Variants in FUT8 observed in about 807,000 individuals in gnomAD.
The protein encoded by FUT8 is alpha-(1,6)-fucosyltransferase.
FUT8 carries 29 observed loss-of-function variants against 71.3 expected under a neutral mutation model. The observed-to-expected ratio is 0.41, with a 90% CI of 0.30 to 0.55. The LOEUF (loss-of-function observed/expected upper bound fraction) is 0.55, where lower values mean the gene tolerates loss of function less well. Among genes scored for constraint, FUT8 ranks in the 20% least tolerant of loss-of-function variants. The pLI, the probability that FUT8 is intolerant of heterozygous loss-of-function variation, is 0.34. For missense variants in FUT8, 544 were observed against 702.1 expected (o/e 0.77, Z 2.55); for synonymous variants, 254 against 239.3 (o/e 1.06, Z -0.57).
chr14:65,472,407 A>G lies in FUT8; in HGVS notation c.-228+16689A>G, dbSNP rs2066161654. Among the ~76,000 whole-genome samples the G allele has an allele frequency of 2.6e-5, 4 of 152,196 alleles. No individual in the cohort carries two copies. The South Asian group carries it at 8.3e-4, about 32-fold the overall frequency. ...CATCTCCCATTAGGCCCCACCCCCAACATTGAGATCAAATTTCAACAGGAG... is the reference window on the plus strand; with the variant it reads ...CATCTCCCATTAGGCCCCACCCCCAGCATTGAGATCAAATTTCAACAGGAG... On this transcript the variant is annotated intron_variant, in intron 2 of 10. Coordinates refer to ENST00000673929, the MANE Select transcript of FUT8 (RefSeq NM_001371533.1). The surrounding 1 kb of genome is among the most constrained non-coding windows in gnomAD (Gnocchi z 4.4).
intron 2 of FUT8, among the ~76,000 whole-genome samples, chr14:65,490,999 CT>C (rs2066474690): frequency 6.6e-6 from 1 of 152,120 alleles, no homozygotes; most frequent in Admixed American, 6.5e-5. Flanking sequence ...GAAGAGCCTT[CT>C]GCTAAAGCCA....
At chr14:65,443,129 G>T (rs1393296316) in intron 1 of FUT8, among the ~76,000 whole-genome samples, 3 of 152,100 alleles carry the variant, frequency 2.0e-5, no homozygotes, top group African/African-American at 7.2e-5. Context: ...AAGAGTTTTG[G>T]GGTGGGTGTG....
At chr14:65,691,648 G>A (rs1364036373) in intron 7 of FUT8, among the ~76,000 whole-genome samples, 1 of 151,974 alleles carries the variant, frequency 6.6e-6, no homozygotes, top group Non-Finnish European at 1.5e-5. Context: ...GTTTCTCGCA[G>A]AGGGGGATTT....
At chr14:65,722,218 C>A (rs1483134354) in intron 8 of FUT8, among the ~76,000 whole-genome samples, 197 bp downstream of exon 8, 1 of 152,094 alleles carries the variant, frequency 6.6e-6, no homozygotes, top group Non-Finnish European at 1.5e-5. Context: ...AAGAAAGTTG[C>A]TTAGTAGTGC....
intron 2 of FUT8, chr14:65,516,533 G>T (rs903622388): frequency 6.6e-6 from 1 of 151,928 alleles, no homozygotes; most frequent in Non-Finnish European, 1.5e-5. Context: ...TATTTTTCAA[G>T]TTTTTTTGGT....
chr14:65,555,617 C>G, intron 2 of FUT8, among the ~76,000 whole-genome samples: 1 of 152,114 alleles, frequency 6.6e-6, no homozygotes, highest in Non-Finnish European at 1.5e-5. Flanking sequence ...TGGGTTCTTC[C>G]TTTCTGTGCT....
chr14:65,461,258 G>A (rs553418354), intron 2 of FUT8, among the ~76,000 whole-genome samples: 140 of 152,260 alleles, frequency 9.2e-4, no homozygotes, highest in African/African-American at 3.0e-3. Context: ...GTATTCACAT[G>A]ACATCTTCCC....
intron 3 of FUT8, among the ~76,000 whole-genome samples, chr14:65,590,511 T>G (rs919697130): frequency 2.2e-4 from 34 of 152,076 alleles, no homozygotes; most frequent in African/African-American, 8.2e-4. Context: ...TTGACCAAAC[T>G]GGGGGGGAAT....
intron 2 of FUT8, among the ~76,000 whole-genome samples, chr14:65,552,000 T>C (rs968353615): frequency 6.6e-6 from 1 of 152,310 alleles, no homozygotes; most frequent in South Asian, 2.1e-4. Flanking sequence ...CATTGTGTAA[T>C]ACATAAGGAT....
intron 1 of FUT8, among the ~76,000 whole-genome samples, chr14:65,420,517 A>G (rs2065277277): frequency 6.6e-6 from 1 of 151,978 alleles, no homozygotes; most frequent in African/African-American, 2.4e-5. Context: ...AATAGGGATC[A>G]TGTGTTCATT....
intron 2 of FUT8, among the ~76,000 whole-genome samples, chr14:65,549,597 G>C (rs1885171689): frequency 6.6e-6 from 1 of 152,150 alleles, no homozygotes; most frequent in Non-Finnish European, 1.5e-5. Flanking sequence ...CAAAAATGGG[G>C]AAGTGCTTAC....
At chr14:65,596,613 A>G (rs1887992817) in intron 3 of FUT8, among the ~76,000 whole-genome samples, 1 of 152,162 alleles carries the variant, frequency 6.6e-6, no homozygotes, top group South Asian at 2.1e-4. Context: ...GGAGTTACTT[A>G]TTTTTTAGAT....
At chr14:65,592,432 C>T (rs769582383) in intron 3 of FUT8, among the ~76,000 whole-genome samples, 5 of 151,938 alleles carry the variant, frequency 3.3e-5, no homozygotes, top group Non-Finnish European at 7.4e-5. Context: ...TGCTAGCTAG[C>T]TAGCTACCTA....
At chr14:65,693,279 C>A (rs1209735453) in intron 7 of FUT8, among the ~76,000 whole-genome samples, 1 of 152,056 alleles carries the variant, frequency 6.6e-6, no homozygotes, top group Admixed American at 6.6e-5. Context: ...CCGAGGCTGG[C>A]GGATCACTCG....
intron 5 of FUT8, among the ~76,000 whole-genome samples, chr14:65,622,174 G>A (rs1889650013): frequency 6.6e-6 from 1 of 152,136 alleles, no homozygotes; most frequent in Non-Finnish European, 1.5e-5. Flanking sequence ...GAAATTAGGT[G>A]GCTTAACACA....
At chr14:65,657,971 A>G (rs1019161509) in intron 6 of FUT8, among the ~76,000 whole-genome samples, 2 of 152,106 alleles carry the variant, frequency 1.3e-5, no homozygotes, top group Non-Finnish European at 2.9e-5. Flanking sequence ...AAGAAAAACA[A>G]TGCTAGAAAA....
the FUT8 span, among the ~76,000 whole-genome samples, chr14:65,383,265 C>CTTTTTTTTCTTTTT: frequency 4.7e-4 from 41 of 86,492 alleles, no homozygotes; most frequent in African/African-American, 1.1e-3. Flanking sequence ...TTTTTCTTTT[C>CTTTTTTTTCTTTTT]TTTTTTTTTT....
At chr14:65,442,733 C>A (rs889908951) in intron 1 of FUT8, among the ~76,000 whole-genome samples, 2 of 149,606 alleles carry the variant, frequency 1.3e-5, no homozygotes, top group African/African-American at 4.9e-5. Context: ...CTACTTGGGA[C>A]GCTGAGATGA....
the FUT8 span, among the ~76,000 whole-genome samples, chr14:65,376,099 A>T: frequency 2.6e-5 from 4 of 151,930 alleles, no homozygotes; most frequent in Admixed American, 6.5e-5. Context: ...TCAAAAAAAA[A>T]AAAATAATAA....
Sources: gnomAD v4.1 joint callset for allele counts (sites outside exome capture counted in the v4.1 genomes callset) on GRCh38, gnomAD v4.1.1 for gene constraint, Gnocchi (gnomAD v3.1) non-coding constraint, MANE v1.5 for transcripts, NCBI Gene and HGNC (gene_info 2026-07-23, HGNC 2026-07-21) for gene names.